Variants in PLCH1 observed in about 807,000 individuals in gnomAD.
PLCH1 encodes the protein 1-phosphatidylinositol 4,5-bisphosphate phosphodiesterase eta-1.
In PLCH1, 60 loss-of-function variants were observed where a neutral mutation model predicts 126.7. The ratio of observed to expected loss-of-function variants is 0.47; its 90% CI spans 0.38 to 0.59. The LOEUF is 0.59. PLCH1 is among the 20% of genes least tolerant of loss of function. PLCH1 has a pLI of 0.00. For missense variants in PLCH1, 1,723 were observed against 2,040.0 expected (o/e 0.84, Z 2.99); for synonymous variants, 719 against 734.9 (o/e 0.98, Z 0.35).
chr3:155,523,966 C>T lies in PLCH1; in HGVS notation c.1401G>A (p.Glu467=). Residue 467 remains glutamate (E), a synonymous_variant, in exon 11 of 23, where the codon GAG becomes GAA. Coordinates refer to ENST00000460012, the MANE Select transcript of PLCH1 (RefSeq NM_014996.4). ...TGTCCTCATCAGAAACTTCCCCTTC[C>T]TCTGCATCATCCCCAAGGTGATAAG... is the stretch of plus-strand genomic sequence containing the variant. ...KLPYHLGDDA[E]EGEVSDEDSA... 6.2e-7 allele frequency: 1 copy of T among 1,608,706 alleles called. No individual in the cohort carries two copies.
intron 1 of PLCH1, among the ~76,000 whole-genome samples, chr3:155,706,631 AT>A (rs1170121029): frequency 1.3e-5 from 2 of 148,396 alleles, no homozygotes; most frequent in Non-Finnish European, 3.0e-5. Flanking sequence ...AAAAAAAAAA[AT>A]CTGCAAATTA....
chr3:155,461,572 T>G lies in PLCH1; in HGVS notation c.2938+23784A>C, dbSNP rs114791694. On this transcript the variant is annotated intron_variant, in intron 21 of 21. Coordinates refer to the PLCH1 transcript ENST00000494598. ...CCCAGACCTTCAGATCACCTACCTG[T>G]TTGGCTCTGGTGTCACTCCCTCAAC... 5.8e-3 allele frequency among the ~76,000 whole-genome samples: 881 copies of G among 152,310 alleles called. 7 individuals carry two copies. The highest frequency in any genetic ancestry group is 9.0e-3 in the Non-Finnish European group (613 of 68,014).
intron 8 of PLCH1, among the ~76,000 whole-genome samples, chr3:155,563,020 T>C (rs1727838053): frequency 6.6e-6 from 1 of 152,208 alleles, no homozygotes; most frequent in Non-Finnish European, 1.5e-5. Context: ...TACTTAGTTT[T>C]ATTTTATTTT....
chr3:155,659,318 T>A (rs1215734301), intron 2 of PLCH1, among the ~76,000 whole-genome samples: 15 of 104,912 alleles, frequency 1.4e-4, no homozygotes, highest in African/African-American at 5.5e-4. Flanking sequence ...TTTTTTTTTT[T>A]TTTTTTTTTT....
intron 9 of PLCH1, among the ~76,000 whole-genome samples, chr3:155,552,966 C>T (rs545428699): frequency 1.3e-5 from 2 of 152,160 alleles, no homozygotes; most frequent in African/African-American, 2.4e-5. Context: ...GGAAATGGAG[C>T]GAGAATCAAG....
At chr3:155,658,243 A>G (rs193300692) in intron 2 of PLCH1, 87 of 213,090 alleles carry the variant, frequency 4.1e-4, no homozygotes, top group African/African-American at 2.0e-3. Flanking sequence ...GGCACCACAC[A>G]GGCAAGAGGG....
intron 2 of PLCH1, among the ~76,000 whole-genome samples, chr3:155,703,380 C>T (rs1381292926): frequency 6.6e-6 from 1 of 152,200 alleles, no homozygotes; most frequent in Non-Finnish European, 1.5e-5. Context: ...ATAGAGATTA[C>T]TCCAAAAATT....
chr3:155,504,589 C>T lies in PLCH1; in HGVS notation c.1670G>A (p.Gly557Glu). 6.2e-7 allele frequency: 1 copy of T among 1,608,016 alleles called. No homozygotes were observed. ...DVKESGKKSHGRSLMTNFGKH... is the reference protein window; with the variant it reads ...DVKESGKKSHERSLMTNFGKH... Reference sequence around the variant, plus strand: ...TCCAAAGTTGGTCATGAGGGATCGTCCATGTGATTTCTTTCCACTTTCCTT... The same window carrying T: ...TCCAAAGTTGGTCATGAGGGATCGTTCATGTGATTTCTTTCCACTTTCCTT... The change falls in exon 13 of 23, where the codon GGA becomes GAA. Residue 557 changes from glycine to glutamate, a missense_variant. Gly to Glu is a moderately conservative substitution (Grantham distance 98). Transcript: ENST00000460012.
chr3:155,544,869 C>A lies in PLCH1; in HGVS notation c.1362+4918G>T, dbSNP rs1294118380. Among the ~76,000 whole-genome samples, 3 of 151,414 alleles carry A rather than the reference C, an allele frequency of 2.0e-5. No homozygotes were observed. In the South Asian group the frequency reaches 6.3e-4, roughly 32 times the overall value. On this transcript the variant is annotated intron_variant, in intron 10 of 22. Coordinates refer to ENST00000460012, the MANE Select transcript of PLCH1 (RefSeq NM_014996.4). ...ATAAAGACACAACATACCAGAATCT[C>A]TGGGACACATTCAAAGCAGTGTGTA...
intron 10 of PLCH1, among the ~76,000 whole-genome samples, chr3:155,544,478 C>T (rs557839408): frequency 1.6e-3 from 246 of 152,200 alleles, no homozygotes; most frequent in African/African-American, 5.7e-3. Flanking sequence ...GACAGATCAA[C>T]GAGACAGAAA....
At chr3:155,645,430 A>G (rs115350130) in intron 2 of PLCH1, among the ~76,000 whole-genome samples, 1 of 152,160 alleles carries the variant, frequency 6.6e-6, no homozygotes, top group Non-Finnish European at 1.5e-5. Context: ...TATAAGACAC[A>G]TAGTCACAGA....
intron 21 of PLCH1, among the ~76,000 whole-genome samples, chr3:155,473,992 T>A (rs1280037466): frequency 6.6e-6 from 1 of 151,314 alleles, no homozygotes. Flanking sequence ...AACCTAGGCA[T>A]TACCATTCAG....
chr3:155,682,643 A>G (rs1744627908), intron 2 of PLCH1, among the ~76,000 whole-genome samples: 1 of 152,232 alleles, frequency 6.6e-6, no homozygotes, highest in African/African-American at 2.4e-5. Flanking sequence ...GCTGAGCCTC[A>G]GCAGCTCCCT....
In PLCH1 at chr3:155,691,286, G is replaced by A. The variant is rs114530570; in HGVS notation, c.79+12860C>T. On this transcript the variant is annotated intron_variant, in intron 2 of 22. Transcript: ENST00000460012. ...TTAAAAGAGGTAATGCTACTCCAAA[G>A]ACAACCTTGACTTAGCATCAACCTA... 1.7e-3 allele frequency among the ~76,000 whole-genome samples: 259 copies of A among 152,286 alleles called. 3 individuals carry two copies. Among genetic ancestry groups the A allele is most frequent in the African/African-American group, 5.1e-3 (211 of 41,558 alleles).
chr3:155,696,645 T>C (rs1039268487), intron 2 of PLCH1, among the ~76,000 whole-genome samples: 5 of 152,204 alleles, frequency 3.3e-5, no homozygotes, highest in Admixed American at 3.3e-4. Flanking sequence ...TTCTCAGAAG[T>C]AACCACTTAA....
intron 20 of PLCH1, among the ~76,000 whole-genome samples, 169 bp downstream of exon 20, chr3:155,488,491 C>G (rs1364210629): frequency 6.6e-6 from 1 of 152,120 alleles, no homozygotes; most frequent in African/African-American, 2.4e-5. Flanking sequence ...GCCACTGCAC[C>G]CAGCCCAACT....
chr3:155,631,469 C>A (rs372613737), intron 2 of PLCH1, among the ~76,000 whole-genome samples: 7 of 152,266 alleles, frequency 4.6e-5, no homozygotes, highest in South Asian at 4.1e-4. Flanking sequence ...CTCTCCCAGA[C>A]GTGGGTCACT....
At chr3:155,621,416 G>A (rs1339081466) in intron 2 of PLCH1, among the ~76,000 whole-genome samples, 5 of 152,102 alleles carry the variant, frequency 3.3e-5, no homozygotes, top group Non-Finnish European at 7.3e-5. Flanking sequence ...TGAGTTTGAC[G>A]AATTGACAGA....
At chr3:155,685,645 T>C (rs1482953965) in intron 2 of PLCH1, among the ~76,000 whole-genome samples, 1 of 152,208 alleles carries the variant, frequency 6.6e-6, no homozygotes, top group Non-Finnish European at 1.5e-5. Context: ...CAAGCTATTT[T>C]AAATCTCTCT....
Sources: allele counts gnomAD v4.1 joint callset (sites outside exome capture counted in the v4.1 genomes callset), GRCh38; gene constraint gnomAD v4.1.1; transcripts MANE v1.5; gene names NCBI Gene and HGNC (gene_info 2026-07-23, HGNC 2026-07-21).